The following BABAM2 variants were observed in gnomAD, a reference collection of about 807,000 sequenced individuals.
BABAM2 encodes BRISC and BRCA1 A complex member 2.
In BABAM2, 31 loss-of-function variants were observed where a neutral mutation model predicts 54.7. That is an observed-to-expected ratio of 0.57 (90% CI 0.43 to 0.77). The LOEUF (loss-of-function observed/expected upper bound fraction) is 0.77, where lower values mean the gene tolerates loss of function less well. Among genes scored for constraint, BABAM2 ranks in the 30% least tolerant of loss-of-function variants. BABAM2 has a pLI of 0.00. For missense variants in BABAM2, 364 were observed against 455.8 expected (o/e 0.80, Z 1.83); for synonymous variants, 167 against 162.9 (o/e 1.03, Z -0.19).
chr2:27,988,347 G>A (rs1672549462), intron 4 of BABAM2, among the ~76,000 whole-genome samples: 1 of 152,192 alleles, frequency 6.6e-6, no homozygotes, highest in East Asian at 1.9e-4. Flanking sequence ...TTTTACTTCA[G>A]TTTAAAGAGA....
intron 2 of BABAM2, among the ~76,000 whole-genome samples, chr2:27,915,093 T>G (rs1243804568): frequency 2.6e-5 from 4 of 152,140 alleles, no homozygotes; most frequent in Non-Finnish European, 4.4e-5. Context: ...ACTGGAAAAT[T>G]ATTTTACTGC....
intron 6 of BABAM2, among the ~76,000 whole-genome samples, chr2:28,093,850 G>C (rs1464497530): frequency 6.6e-6 from 1 of 152,198 alleles, no homozygotes; most frequent in East Asian, 1.9e-4. Flanking sequence ...TAAGACAAAA[G>C]TACAGACTTC....
At chr2:28,035,977 C>T (rs989434286) in intron 5 of BABAM2, among the ~76,000 whole-genome samples, 3 of 152,118 alleles carry the variant, frequency 2.0e-5, no homozygotes, top group African/African-American at 7.2e-5. Flanking sequence ...GCATACGAAA[C>T]ACAAAGGAAA....
chr2:28,327,330 C>T (rs1282101651), intron 11 of BABAM2: 1 of 1,613,824 alleles, frequency 6.2e-7, no homozygotes. Context: ...CTGGCCTTTG[C>T]AGTTGCAAAA....
At chr2:28,002,836 A>G (rs1304888018) in intron 4 of BABAM2, among the ~76,000 whole-genome samples, 1 of 152,214 alleles carries the variant, frequency 6.6e-6, no homozygotes, top group African/African-American at 2.4e-5. Context: ...AGTGAAATAA[A>G]TCCATTTTCA....
intron 6 of BABAM2, among the ~76,000 whole-genome samples, chr2:28,106,188 A>T (rs1005142995): frequency 3.3e-5 from 5 of 152,214 alleles, no homozygotes; most frequent in Non-Finnish European, 5.9e-5. Context: ...ATGGCATACT[A>T]CTACCATCCA....
intron 4 of BABAM2, among the ~76,000 whole-genome samples, chr2:28,008,654 A>G (rs1007092687): frequency 2.0e-5 from 3 of 152,174 alleles, no homozygotes; most frequent in Admixed American, 2.0e-4. Context: ...TAAAAATTAA[A>G]CACAAATAAA....
intron 6 of BABAM2, among the ~76,000 whole-genome samples, chr2:28,112,596 C>T (rs1011284121): frequency 6.6e-6 from 1 of 152,066 alleles, no homozygotes; most frequent in Non-Finnish European, 1.5e-5. Context: ...TTTTCTTTTT[C>T]CAGGCTATCA....
At chr2:28,244,730 A>T in intron 9 of BABAM2, 50 bp from the exon 10 acceptor site, 2 of 1,525,164 alleles carry the variant, frequency 1.3e-6, no homozygotes, top group South Asian at 1.2e-5. Context: ...TTTATACCTT[A>T]ATTTTATGAG....
chr2:27,915,750 A>G (rs140016782), intron 2 of BABAM2, among the ~76,000 whole-genome samples: 110 of 152,250 alleles, frequency 7.2e-4, no homozygotes, highest in African/African-American at 2.5e-3. Context: ...TTCAGAATCT[A>G]TTAATTCTTC....
intron 7 of BABAM2, among the ~76,000 whole-genome samples, chr2:28,193,829 C>T (rs1372731151): frequency 6.6e-6 from 1 of 152,120 alleles, no homozygotes; most frequent in Non-Finnish European, 1.5e-5. Flanking sequence ...TCAACAGATG[C>T]TTGCTAAGTA....
chr2:28,066,614 A>G (rs906212498), intron 6 of BABAM2, among the ~76,000 whole-genome samples: 2 of 152,186 alleles, frequency 1.3e-5, no homozygotes, highest in Non-Finnish European at 2.9e-5. Context: ...TGAAAGATGA[A>G]CTGGGGCTGG....
intron 6 of BABAM2, among the ~76,000 whole-genome samples, chr2:28,087,397 C>T (rs1316656433): frequency 6.6e-6 from 1 of 152,140 alleles, no homozygotes; most frequent in Non-Finnish European, 1.5e-5. Flanking sequence ...GAGACAGGAG[C>T]TCTCAGTGAG....
chr2:28,244,139 G>A (rs773395534), intron 9 of BABAM2, among the ~76,000 whole-genome samples: 4 of 152,108 alleles, frequency 2.6e-5, no homozygotes, highest in Non-Finnish European at 5.9e-5. Flanking sequence ...CCTGAACCCA[G>A]CATCCACCCA....
intron 2 of BABAM2, among the ~76,000 whole-genome samples, chr2:27,917,628 C>T (rs1377858809): frequency 1.3e-5 from 2 of 152,108 alleles, no homozygotes; most frequent in Non-Finnish European, 2.9e-5. Flanking sequence ...AAAGGCCCTA[C>T]CTCTTAATAC....
intron 4 of BABAM2, among the ~76,000 whole-genome samples, chr2:27,993,821 T>G (rs1188729974): frequency 6.6e-6 from 1 of 152,154 alleles, no homozygotes; most frequent in Non-Finnish European, 1.5e-5. Context: ...TACCAATGCC[T>G]TGTCACTTTT....
intron 3 of BABAM2, among the ~76,000 whole-genome samples, chr2:27,956,292 G>A (rs1219565717): frequency 6.6e-6 from 1 of 152,016 alleles, no homozygotes; most frequent in East Asian, 1.9e-4. Context: ...ACTTTTTGAA[G>A]GCCAAATTTA....
chr2:28,001,760 G>A (rs1263054838), intron 4 of BABAM2, among the ~76,000 whole-genome samples: 1 of 151,908 alleles, frequency 6.6e-6, no homozygotes, highest in African/African-American at 2.4e-5. Context: ...GAGAGAGGAG[G>A]GGGGTGCTAC....
intron 6 of BABAM2, among the ~76,000 whole-genome samples, chr2:28,113,839 G>T (rs1301714082): frequency 6.6e-6 from 1 of 152,080 alleles, no homozygotes; most frequent in Non-Finnish European, 1.5e-5. Flanking sequence ...GCAATGGTTT[G>T]TAGTTCTTGA....
Sources: allele counts gnomAD v4.1 joint callset (sites outside exome capture counted in the v4.1 genomes callset), GRCh38; gene constraint gnomAD v4.1.1; transcripts MANE v1.5; gene names NCBI Gene and HGNC (gene_info 2026-07-23, HGNC 2026-07-21).